KAZN: variants seen among roughly 807,000 people sequenced by gnomAD.
The protein encoded by KAZN is kazrin.
KAZN carries 40 observed loss-of-function variants against 87.4 expected under a neutral mutation model. The observed-to-expected ratio is 0.46, with a 90% CI of 0.36 to 0.60. The LOEUF (loss-of-function observed/expected upper bound fraction) is 0.60, where lower values mean the gene tolerates loss of function less well. KAZN is among the 20% of genes least tolerant of loss of function. The pLI is 0.00. For missense variants in KAZN, 898 were observed against 1,073.9 expected (o/e 0.84, Z 2.29); for synonymous variants, 466 against 458.3 (o/e 1.02, Z -0.22).
chr1:14,876,814 G>A (rs1652816482), intron 1 of KAZN, among the ~76,000 whole-genome samples: 1 of 152,154 alleles, frequency 6.6e-6, no homozygotes, highest in South Asian at 2.1e-4. Flanking sequence ...TTTGTAGATA[G>A]GCATGTCTAG....
chr1:14,002,855 GTA>G (rs1465199743), intron 1 of KAZN, among the ~76,000 whole-genome samples: 1 of 152,130 alleles, frequency 6.6e-6, no homozygotes, highest in Non-Finnish European at 1.5e-5. Context: ...CCATTACTGA[GTA>G]TATACCCAAA....
chr1:14,625,498 T>C (rs959890036), intron 1 of KAZN, among the ~76,000 whole-genome samples: 7 of 152,126 alleles, frequency 4.6e-5, no homozygotes, highest in Non-Finnish European at 8.8e-5. Flanking sequence ...CAAAGAGATA[T>C]CCCAAAAAAG....
chr1:14,231,315 A>G (rs934759712), intron 2 of KAZN, among the ~76,000 whole-genome samples: 1 of 152,194 alleles, frequency 6.6e-6, no homozygotes, highest in Non-Finnish European at 1.5e-5. Flanking sequence ...AACAGAAAAC[A>G]AACAAACAAA....
At chr1:14,103,318 A>C (rs1474563427) in intron 1 of KAZN, among the ~76,000 whole-genome samples, 1 of 152,216 alleles carries the variant, frequency 6.6e-6, no homozygotes, top group Middle Eastern at 3.2e-3. Context: ...CTCGAAATAC[A>C]GTCGCATGTT....
intron 1 of KAZN, among the ~76,000 whole-genome samples, chr1:14,137,540 G>A (rs1013378598): frequency 1.3e-5 from 2 of 151,922 alleles, no homozygotes; most frequent in Admixed American, 6.6e-5. Flanking sequence ...GGTGTCCTTC[G>A]GCAAGTTGCT....
At chr1:14,464,210 T>C (rs1667996330) in intron 2 of KAZN, among the ~76,000 whole-genome samples, 1 of 152,232 alleles carries the variant, frequency 6.6e-6, no homozygotes, top group Non-Finnish European at 1.5e-5. Flanking sequence ...AGATCAGAGA[T>C]CAGAAACTAG....
chr1:14,407,214 T>C (rs548586852), intron 2 of KAZN, among the ~76,000 whole-genome samples: 77 of 152,348 alleles, frequency 5.1e-4, no homozygotes, highest in African/African-American at 1.7e-3. Flanking sequence ...TGTGAACTCT[T>C]GTCCATGGCA....
At chr1:14,747,704 A>G (rs181086228) in intron 1 of KAZN, among the ~76,000 whole-genome samples, 149 of 152,362 alleles carry the variant, frequency 9.8e-4, no homozygotes, top group African/African-American at 3.3e-3. Flanking sequence ...CCTGTTTTCA[A>G]TTCTTTTGGT....
At chr1:14,571,767 A>G (rs1446718527) in intron 2 of KAZN, among the ~76,000 whole-genome samples, 1 of 152,128 alleles carries the variant, frequency 6.6e-6, no homozygotes, top group Non-Finnish European at 1.5e-5. Context: ...ATAGAGATTT[A>G]CCCTTCATCA....
At chr1:14,247,040 G>C (rs570278323) in intron 2 of KAZN, among the ~76,000 whole-genome samples, 2 of 152,136 alleles carry the variant, frequency 1.3e-5, no homozygotes, top group South Asian at 4.1e-4. Context: ...TCCTTGCCAA[G>C]GCACGTTATT....
intron 4 of KAZN, among the ~76,000 whole-genome samples, chr1:15,051,510 C>T (rs1214222971): frequency 6.6e-6 from 1 of 152,248 alleles, no homozygotes; most frequent in Admixed American, 6.5e-5. Context: ...CTCACATCAT[C>T]CCTGCTTGTG....
At chr1:14,865,960 A>G (rs1309745706) in intron 1 of KAZN, among the ~76,000 whole-genome samples, 1 of 152,178 alleles carries the variant, frequency 6.6e-6, no homozygotes, top group African/African-American at 2.4e-5. Context: ...TGAAGCCTTC[A>G]GAGGGAGCAC....
chr1:14,677,660 G>A (rs10927498), intron 1 of KAZN, among the ~76,000 whole-genome samples: 64,817 of 151,994 alleles, frequency 0.43, 14,278 homozygotes, highest in South Asian at 0.51. Flanking sequence ...ATCACATCAT[G>A]TGGAGAGGAG....
intron 2 of KAZN, among the ~76,000 whole-genome samples, chr1:14,319,084 T>C (rs1216616299): frequency 6.6e-6 from 1 of 151,166 alleles, no homozygotes; most frequent in Admixed American, 6.6e-5. Context: ...ATGGGCTCTG[T>C]TTTCCTACTT....
rs1036369479 is a variant in KAZN at position 15,056,465 on chromosome 1, G to A, written c.916+185G>A. ...ACAGCAGGCATAGCTGGATCCAGAG[G>A]TTCAAACACTATCTGGGTCCCTCTG... is the stretch of plus-strand genomic sequence containing the variant. On this transcript the variant is annotated intron_variant, in intron 5 of 14. Coordinates refer to ENST00000376030, the MANE Select transcript of KAZN (RefSeq NM_201628.3). The surrounding 1 kb of genome is among the most constrained non-coding windows in gnomAD (Gnocchi z 5.4). Among the ~76,000 whole-genome samples the A allele has an allele frequency of 1.3e-5, 2 of 152,156 alleles. No individual in the cohort carries two copies. The highest frequency in any genetic ancestry group is 1.3e-4 in the Admixed American group (2 of 15,274).
chr1:14,469,510 T>C lies in KAZN; in HGVS notation c.250-129473T>C, dbSNP rs1010686212. On this transcript the variant is annotated intron_variant, in intron 2 of 16. Coordinates refer to the KAZN transcript ENST00000636203. ...GCTAGCAGAAAACTGTTATTGTTGC[T>C]GAAGTTGCTAAGAAAATTGGGCAGT... Among the ~76,000 whole-genome samples the C allele has an allele frequency of 2.6e-5, 4 of 152,212 alleles. No homozygotes were observed. The South Asian group carries it at 8.3e-4, about 32-fold the overall frequency.
chr1:14,850,151 G>A (rs1412630340), intron 1 of KAZN, among the ~76,000 whole-genome samples: 1 of 152,042 alleles, frequency 6.6e-6, no homozygotes, highest in African/African-American at 2.4e-5. Flanking sequence ...TGCCAGGATG[G>A]TCTCGATCTC....
chr1:14,599,061 G>A lies in KAZN; in HGVS notation c.64G>A (p.Glu22Lys). The A allele has an allele frequency of 3.8e-6, 6 of 1,563,454 alleles. No individual in the cohort carries two copies. The highest frequency in any genetic ancestry group is 1.2e-5 in the South Asian group (1 of 85,726). ...TGGGGCGGTCCAGTCGGCCAGCCAG[G>A]AGGTGACCAACCTGCGAGCCGAACT... is the stretch of plus-strand genomic sequence containing the variant. ...IDGAVQSASQ[E>K]VTNLRAELTA... The change falls in exon 1 of 15, where the codon GAG becomes AAG. Residue 22 changes from glutamate to lysine, a missense_variant. Transcript: ENST00000376030. This position sits in a 1 kb window ranked among gnomAD's most constrained non-coding sequence, Gnocchi z 4.4.
chr1:15,019,664 C>T (rs1260397799), intron 2 of KAZN, among the ~76,000 whole-genome samples: 3 of 152,224 alleles, frequency 2.0e-5, no homozygotes, highest in African/African-American at 7.2e-5. Context: ...GCTGGGATTA[C>T]AAGCGTGAGC....
Sources: gnomAD v4.1 joint callset for allele counts (sites outside exome capture counted in the v4.1 genomes callset) on GRCh38, gnomAD v4.1.1 for gene constraint, Gnocchi (gnomAD v3.1) non-coding constraint, MANE v1.5 for transcripts, NCBI Gene and HGNC (gene_info 2026-07-23, HGNC 2026-07-21) for gene names.